Variants in SLC33A1 observed in about 807,000 individuals in gnomAD.
The protein encoded by SLC33A1 is acetyl-coenzyme A transporter 1.
Under a neutral mutation model 50.0 loss-of-function variants are expected in SLC33A1, and 20 were observed. The observed-to-expected ratio is 0.40, with a 90% CI of 0.28 to 0.58. SLC33A1 has a LOEUF of 0.58. SLC33A1 is among the 20% of genes least tolerant of loss of function. The pLI is 0.44. For missense variants in SLC33A1, 476 were observed against 657.0 expected (o/e 0.72, Z 3.01); for synonymous variants, 265 against 251.8 (o/e 1.05, Z -0.50).
chr3:155,836,895 G>A (rs915932588), intron 2 of SLC33A1, among the ~76,000 whole-genome samples: 1 of 151,832 alleles, frequency 6.6e-6, no homozygotes, highest in African/African-American at 2.4e-5. Flanking sequence ...CTCAAACAAC[G>A]AAATCTAAAC....
In SLC33A1 at chr3:155,853,209, C is replaced by G; in HGVS notation, c.775+14G>C. 1 of 1,606,478 alleles carries G rather than the reference C, an allele frequency of 6.2e-7. No homozygotes were observed. The highest frequency in any genetic ancestry group is 8.5e-7 in the Non-Finnish European group (1 of 1,173,190). On this transcript the variant is annotated intron_variant, in intron 1 of 5. Coordinates refer to ENST00000643144, the MANE Select transcript of SLC33A1 (RefSeq NM_004733.4). ...ATAAATAAACCTAACACCATAATAG[C>G]TTAAATACACTACCTGAAAGAGTAA...
At chr3:155,849,631 G>A (rs1753317353) in intron 1 of SLC33A1, among the ~76,000 whole-genome samples, 1 of 151,618 alleles carries the variant, frequency 6.6e-6, no homozygotes, top group African/African-American at 2.4e-5. Flanking sequence ...GTGACAGCCA[G>A]GCACAGTGGC....
intron 2 of SLC33A1, among the ~76,000 whole-genome samples, chr3:155,839,519 T>C: frequency 6.6e-6 from 1 of 150,698 alleles, no homozygotes; most frequent in Non-Finnish European, 1.5e-5. Flanking sequence ...TTACGGAAAA[T>C]TTAAATTTAA....
At chr3:155,846,858 G>A (rs1335006957) in intron 1 of SLC33A1, among the ~76,000 whole-genome samples, 1 of 152,044 alleles carries the variant, frequency 6.6e-6, no homozygotes, top group African/African-American at 2.4e-5. Context: ...AACAAACTTG[G>A]TGTGTCTTCC....
Position 155,838,680 on chromosome 3 carries a change from C to CAAA in SLC33A1, c.963+3749_963+3751dup, listed in dbSNP as rs539049380. 2.2e-3 allele frequency among the ~76,000 whole-genome samples: 146 copies of CAAA among 65,822 alleles called. 1 individual carries two copies. Among genetic ancestry groups the CAAA allele is most frequent in the Middle Eastern group, 0.012 (1 of 82 alleles). The allele number at this position is 65,822 out of a possible 152,430, so 43.2% of individuals were successfully genotyped here. A position where few individuals can be genotyped will look rare whatever the true frequency, so the allele number is the denominator to read the frequency against. On this transcript the variant is annotated intron_variant, in intron 2 of 5. Coordinates refer to ENST00000643144, the MANE Select transcript of SLC33A1 (RefSeq NM_004733.4). ...TGGGCAACAGAGAGAGACTCTGTCT[C>CAAA]AAAAAAAAAAAAAAAAAAAATTAGC...
intron 2 of SLC33A1, among the ~76,000 whole-genome samples, chr3:155,837,879 CAGT>C (rs1752753722): frequency 6.6e-6 from 1 of 152,082 alleles, no homozygotes; most frequent in African/African-American, 2.4e-5. Context: ...AAGAAGAAAA[CAGT>C]ATTATAGACT....
At chr3:155,846,796 C>T (rs984797617) in intron 1 of SLC33A1, among the ~76,000 whole-genome samples, 37 of 152,260 alleles carry the variant, frequency 2.4e-4, no homozygotes, top group African/African-American at 8.9e-4. Context: ...CCCTTCTCAC[C>T]TCTGTCTCCC....
chr3:155,852,772 G>T (rs889125820), intron 1 of SLC33A1, among the ~76,000 whole-genome samples: 8 of 152,116 alleles, frequency 5.3e-5, no homozygotes. Flanking sequence ...CCGTCCCTTA[G>T]CTGGTTCAAT....
chr3:155,828,977 A>G (rs907309559), intron 5 of SLC33A1, among the ~76,000 whole-genome samples: 2 of 146,936 alleles, frequency 1.4e-5, no homozygotes, highest in Non-Finnish European at 3.0e-5. Flanking sequence ...ATCTCAGCTC[A>G]CTGCAACCTC....
In SLC33A1 at chr3:155,825,507, G is replaced by C. The variant is rs945483596; in HGVS notation, c.*2703C>G. Reference sequence around the variant, plus strand: ...TTTGAGGCTGCAGTGAGCTATGATTGCATCACTGTACTCCAGCTTGGGCAA... The same window carrying C: ...TTTGAGGCTGCAGTGAGCTATGATTCCATCACTGTACTCCAGCTTGGGCAA... On this transcript the variant is annotated 3_prime_UTR_variant, in exon 6 of 6. Coordinates refer to ENST00000643144, the MANE Select transcript of SLC33A1 (RefSeq NM_004733.4). 2 of 152,048 alleles carry C rather than the reference G, an allele frequency of 1.3e-5. No individual in the cohort carries two copies. Among genetic ancestry groups the C allele is most frequent in the African/African-American group, 2.4e-5 (1 of 41,392 alleles). The allele number at this position is 152,048 out of a possible 1,614,324, so 9.4% of individuals were successfully genotyped here. A position where few individuals can be genotyped will look rare whatever the true frequency, so the allele number is the denominator to read the frequency against.
At chr3:155,847,482 T>C (rs1415322214) in intron 1 of SLC33A1, among the ~76,000 whole-genome samples, 1 of 152,100 alleles carries the variant, frequency 6.6e-6, no homozygotes, top group African/African-American at 2.4e-5. Flanking sequence ...CGGTGGCTCA[T>C]GCTTGTAATC....
chr3:155,835,720 G>A lies in SLC33A1; in HGVS notation c.964-1679C>T, dbSNP rs116768526. The stretch of plus-strand genomic sequence containing the variant: ...ATAAATGGTGCACCTGGACCTTACC[G>A]GTTTTTCATGCCCTATTTAAAACAG... On this transcript the variant is annotated intron_variant, in intron 2 of 5. Transcript: ENST00000643144. 4.4e-3 allele frequency among the ~76,000 whole-genome samples: 675 copies of A among 152,156 alleles called. 4 individuals carry two copies. Among genetic ancestry groups the A allele is most frequent in the African/African-American group, 0.016 (644 of 41,508 alleles).
chr3:155,839,617 T>C, intron 2 of SLC33A1, among the ~76,000 whole-genome samples: 1 of 152,080 alleles, frequency 6.6e-6, no homozygotes, highest in East Asian at 1.9e-4. Flanking sequence ...AAAGAGAAGA[T>C]AAAAAATTAT....
Position 155,853,728 on chromosome 3 carries a change from G to A in SLC33A1, c.270C>T (p.Gly90=), listed in dbSNP as rs1472242405. 6.2e-7 allele frequency: 1 copy of A among 1,613,988 alleles called. No homozygotes were observed. The highest frequency in any genetic ancestry group is 8.5e-7 in the Non-Finnish European group (1 of 1,180,036). ...AAATGAGTGGGATGCTTCCCGCCAA[G>A]CCCAGGGGAATACCCTGAAGCACGT... ...FLYVLQGIPL[G]LAGSIPLILQ... The change falls in exon 1 of 6, where the codon GGC becomes GGT. Residue 90 remains glycine, a synonymous_variant. Coordinates refer to ENST00000643144, the MANE Select transcript of SLC33A1 (RefSeq NM_004733.4).
intron 2 of SLC33A1, among the ~76,000 whole-genome samples, chr3:155,836,569 C>T (rs1577463608): frequency 6.6e-6 from 1 of 151,890 alleles, no homozygotes; most frequent in Admixed American, 6.6e-5. Flanking sequence ...TTGTAATACA[C>T]ATATCTAATA....
Position 155,854,027 on chromosome 3 carries a change from G to C in SLC33A1, c.-30C>G. ...GAGACGATGCAGAGCCCCGTCTGTGGGGGGCCGAGGCTGAGCGTTTTGGAT... is the reference window on the plus strand; with the variant it reads ...GAGACGATGCAGAGCCCCGTCTGTGCGGGGCCGAGGCTGAGCGTTTTGGAT... On this transcript the variant is annotated 5_prime_UTR_variant, in exon 1 of 6. Transcript: ENST00000643144. 2 of 1,520,962 alleles carry C rather than the reference G, an allele frequency of 1.3e-6. No individual in the cohort carries two copies. 94.2% of individuals were successfully genotyped at this position (1,520,962 alleles called of 1,614,324 possible). A position where few individuals can be genotyped will look rare whatever the true frequency, so the allele number is the denominator to read the frequency against.
intron 2 of SLC33A1, among the ~76,000 whole-genome samples, chr3:155,836,400 TA>T (rs948456855): frequency 2.1e-5 from 3 of 140,544 alleles, no homozygotes; most frequent in Non-Finnish European, 4.7e-5. Flanking sequence ...AATTTCACCA[TA>T]AAAAAAATTA....
In SLC33A1 at chr3:155,852,199, A is replaced by T. The variant is rs1000739049; in HGVS notation, c.775+1024T>A. On this transcript the variant is annotated intron_variant, in intron 1 of 5. Transcript: ENST00000643144. ...GCCAGGTGGGGTGGTTCACACTTAT[A>T]ATTCCCAGTACTTTGGGAGGCCAAG... Among the ~76,000 whole-genome samples the T allele has an allele frequency of 2.6e-5, 4 of 152,146 alleles. No individual in the cohort carries two copies. In the South Asian group the frequency reaches 6.2e-4, roughly 24 times the overall value.
Position 155,853,869 on chromosome 3 carries a change from C to T in SLC33A1, c.129G>A (p.Ala43=). 4 of 1,577,072 alleles carry T rather than the reference C, an allele frequency of 2.5e-6. No individual in the cohort carries two copies. The highest frequency in any genetic ancestry group is 3.4e-6 in the Non-Finnish European group (4 of 1,161,584). ...GGWDDSHLDS[A]GREGDREALL... is the part of the protein sequence containing the mutation. ...GAGCTTCTCTGTCCCCTTCCCGGCCCGCTGAGTCCAAATGACTGTCATCCC... is the reference window on the plus strand; with the variant it reads ...GAGCTTCTCTGTCCCCTTCCCGGCCTGCTGAGTCCAAATGACTGTCATCCC... The change falls in exon 1 of 6, where the codon GCG becomes GCA. Residue 43 remains alanine (A), a synonymous_variant. Coordinates refer to ENST00000643144, the MANE Select transcript of SLC33A1 (RefSeq NM_004733.4).
Sources: allele counts gnomAD v4.1 joint callset (sites outside exome capture counted in the v4.1 genomes callset), GRCh38; gene constraint gnomAD v4.1.1; transcripts MANE v1.5; gene names NCBI Gene and HGNC (gene_info 2026-07-23, HGNC 2026-07-21).